The following MTHFSD variants were observed in gnomAD, a reference collection of about 807,000 sequenced individuals.
MTHFSD encodes the protein methenyltetrahydrofolate synthase domain-containing protein.
A neutral mutation model predicts 31.1 loss-of-function variants in MTHFSD; 37 were observed. That is an observed-to-expected ratio of 1.19 (90% CI 0.91 to 1.56). The LOEUF (loss-of-function observed/expected upper bound fraction) is 1.56, where lower values mean the gene tolerates loss of function less well. MTHFSD is among the 40% of genes most tolerant of loss of function. The pLI, the probability that MTHFSD is intolerant of heterozygous loss-of-function variation, is 0.00. For synonymous variants in MTHFSD, 221 were observed against 206.9 expected, an observed-to-expected ratio of 1.07 and a Z score of -0.59; for missense variants, 664 against 510.1, an observed-to-expected ratio of 1.30 and a Z score of -2.91.
Position 86,554,644 on chromosome 16 carries a change from C to G in MTHFSD, c.123+1G>C. ...TCTGGACTCCAGAAATATGTCAGTACCTTAAAGTTGGGTATCCTGTGATGA... is the reference window on the plus strand; with the variant it reads ...TCTGGACTCCAGAAATATGTCAGTAGCTTAAAGTTGGGTATCCTGTGATGA... On this transcript the variant is annotated splice_donor_variant, in intron 2 of 7. Transcript: ENST00000360900. LOFTEE classifies it high-confidence loss of function. 1 of 1,610,672 alleles carries G rather than the reference C, an allele frequency of 6.2e-7. No homozygotes were observed. Among genetic ancestry groups the G allele is most frequent in the South Asian group, 1.1e-5 (1 of 90,570 alleles).
chr16:86,539,029 C>T (rs1971109945), intron 7 of MTHFSD, among the ~76,000 whole-genome samples: 1 of 152,202 alleles, frequency 6.6e-6, no homozygotes, highest in Non-Finnish European at 1.5e-5. Flanking sequence ...GTACCTCTCT[C>T]TCTTCCTGCC....
At chr16:86,548,675 C>G (rs1972685472) in intron 3 of MTHFSD, 98 bp from the exon 4 acceptor site, 4 of 908,762 alleles carry the variant, frequency 4.4e-6, no homozygotes, top group African/African-American at 1.7e-5. Flanking sequence ...AGGCAAATTA[C>G]TATTATCCGC....
At chr16:86,548,951 C>T (rs1033840704) in intron 3 of MTHFSD, among the ~76,000 whole-genome samples, 7 of 152,152 alleles carry the variant, frequency 4.6e-5, no homozygotes, top group African/African-American at 9.7e-5. Flanking sequence ...GCACCAAGTG[C>T]GACACAGTTA....
chr16:86,551,159 T>C, intron 3 of MTHFSD, among the ~76,000 whole-genome samples: 2 of 152,364 alleles, frequency 1.3e-5, no homozygotes, highest in South Asian at 4.1e-4. Flanking sequence ...ATTTTGGTTT[T>C]ATAGTTACAT....
In MTHFSD at chr16:86,541,697, C is replaced by T; in HGVS notation, c.681G>A (p.Lys227=). The T allele has an allele frequency of 6.2e-7, 1 of 1,612,932 alleles. No homozygotes were observed. The highest frequency in any genetic ancestry group is 2.2e-5 in the East Asian group (1 of 44,862). Residue 227 remains lysine (K), a splice_region_variant and synonymous_variant, in exon 7 of 8, where the codon AAG becomes AAA. Transcript: ENST00000360900. Reference sequence around the variant, plus strand: ...AGAGCTGGCCACTGCCGTGACCCACCTTGAACCAGGTGATTCCCATTGGCT... The same window carrying T: ...AGAGCTGGCCACTGCCGTGACCCACTTTGAACCAGGTGATTCCCATTGGCT... ...RPKPMGITWF[K]ISLEMMEKIP...
intron 7 of MTHFSD, chr16:86,535,259 T>C (rs966048957): frequency 6.1e-6 from 6 of 985,348 alleles, no homozygotes; most frequent in Admixed American, 1.2e-4. Flanking sequence ...AAAATCGCTC[T>C]TTTCATGAGC....
In MTHFSD at chr16:86,542,070, T is replaced by TGGCTC. The variant is rs1215648017; in HGVS notation, c.555+26_555+30dup. 1 of 1,578,040 alleles carries TGGCTC rather than the reference T, an allele frequency of 6.3e-7. No homozygotes were observed. On this transcript the variant is annotated intron_variant, in intron 6 of 7. Coordinates refer to ENST00000360900, the MANE Select transcript of MTHFSD (RefSeq NM_001159377.2). This position sits in a 1 kb window ranked among gnomAD's most constrained non-coding sequence, Gnocchi z 4.6. Reference sequence around the variant, plus strand: ...CTGCTCCCTCAGAAGAGAATGGCAGTGGCTCTGCTCAGCCCATTCATAAGG... The same window carrying TGGCTC: ...CTGCTCCCTCAGAAGAGAATGGCAGTGGCTCGGCTCTGCTCAGCCCATTCATAAGG...
Position 86,532,288 on chromosome 16 carries a change from G to A in MTHFSD, c.875C>T (p.Ala292Val). The change falls in exon 8 of 8, where the codon GCA becomes GTA. Residue 292 changes from alanine to valine, a missense_variant. Physicochemically the swap from Ala to Val is moderately conservative, Grantham distance 64 (BLOSUM62 0). Coordinates refer to ENST00000360900, the MANE Select transcript of MTHFSD (RefSeq NM_001159377.2). ...CTCCCCTGGTGGGGAGCCAGGGGCTGCCTCCATGGAATTGGTTTCTGGTCC... is the reference window on the plus strand; with the variant it reads ...CTCCCCTGGTGGGGAGCCAGGGGCTACCTCCATGGAATTGGTTTCTGGTCC... ...TPGPETNSMEAAPGSPPGEGA... is the reference protein window; with the variant it reads ...TPGPETNSMEVAPGSPPGEGA... The A allele has an allele frequency of 6.4e-7, 1 of 1,572,974 alleles. No homozygotes were observed. The highest frequency in any genetic ancestry group is 8.6e-7 in the Non-Finnish European group (1 of 1,161,944).
chr16:86,538,725 C>A (rs912425971), intron 7 of MTHFSD, among the ~76,000 whole-genome samples: 2 of 152,218 alleles, frequency 1.3e-5, no homozygotes, highest in Non-Finnish European at 2.9e-5. Flanking sequence ...CCCAGAGGTT[C>A]AGGACCACGT....
chr16:86,547,777 T>C (rs1193360640), intron 4 of MTHFSD, among the ~76,000 whole-genome samples: 1 of 152,212 alleles, frequency 6.6e-6, no homozygotes, highest in African/African-American at 2.4e-5. Flanking sequence ...TCCAGTTTTA[T>C]ACATTAGGCT....
At chr16:86,547,470 G>C (rs549054157) in intron 4 of MTHFSD, 1 of 985,886 alleles carries the variant, frequency 1.0e-6, no homozygotes, top group African/African-American at 1.7e-5. Context: ...GGGGTCTCCC[G>C]ACAGTCACAG....
rs371690863 is a variant in MTHFSD at position 86,531,772 on chromosome 16, C to G, written c.*239G>C. The G allele has an allele frequency of 4.6e-5, 17 of 370,684 alleles. No individual in the cohort carries two copies. Among genetic ancestry groups the G allele is most frequent in the East Asian group, 3.2e-4 (8 of 25,062 alleles). 23.0% of individuals were successfully genotyped at this position (370,684 alleles called of 1,614,324 possible). On this transcript the variant is annotated 3_prime_UTR_variant, in exon 8 of 8. Coordinates refer to ENST00000360900, the MANE Select transcript of MTHFSD (RefSeq NM_001159377.2). The surrounding 1 kb of genome is among the most constrained non-coding windows in gnomAD (Gnocchi z 5.5). ...GAAACCGACTCAAGGCCCGAGCCTGCACGATTGGGAGGCTGCAGTCTCTGC... is the reference window on the plus strand; with the variant it reads ...GAAACCGACTCAAGGCCCGAGCCTGGACGATTGGGAGGCTGCAGTCTCTGC...
chr16:86,551,622 C>A (rs374562327), intron 3 of MTHFSD, among the ~76,000 whole-genome samples: 1 of 152,204 alleles, frequency 6.6e-6, no homozygotes, highest in Non-Finnish European at 1.5e-5. Flanking sequence ...AAGTGACCGT[C>A]TGTCATCCAG....
chr16:86,548,192 G>A, intron 4 of MTHFSD: 3 of 1,136,960 alleles, frequency 2.6e-6, no homozygotes, highest in Non-Finnish European at 3.5e-6. Flanking sequence ...CAGAGAACCA[G>A]ATCACCCGTC....
intron 7 of MTHFSD, among the ~76,000 whole-genome samples, chr16:86,534,294 C>G (rs1970377314): frequency 6.6e-6 from 1 of 152,182 alleles, no homozygotes; most frequent in South Asian, 2.1e-4. Flanking sequence ...GCTCTGAGGC[C>G]CAAGGAATCT....
At chr16:86,552,226 C>T (rs1490256932) in intron 2 of MTHFSD, 80 bp from the exon 3 acceptor site, 6 of 1,613,192 alleles carry the variant, frequency 3.7e-6, no homozygotes, top group Non-Finnish European at 5.1e-6. Flanking sequence ...TCAGGATTTA[C>T]TTTAATGGTC....
At chr16:86,545,169 A>G (rs1972104212) in intron 5 of MTHFSD, among the ~76,000 whole-genome samples, 1 of 152,158 alleles carries the variant, frequency 6.6e-6, no homozygotes, top group Non-Finnish European at 1.5e-5. Context: ...ACGTTTACCT[A>G]TGTAACAAAC....
intron 4 of MTHFSD, chr16:86,547,078 T>C: frequency 1.3e-6 from 1 of 797,350 alleles, no homozygotes; most frequent in South Asian, 5.3e-5. Context: ...ACCCTCTGCC[T>C]CGTCGGACCA....
At chr16:86,535,418 A>G in intron 7 of MTHFSD, 1 of 985,436 alleles carries the variant, frequency 1.0e-6, no homozygotes. Flanking sequence ...CCTGTGTGCC[A>G]GCCAGCAGGG....
Sources: allele counts gnomAD v4.1 joint callset (sites outside exome capture counted in the v4.1 genomes callset), GRCh38; gene constraint gnomAD v4.1.1; non-coding constraint Gnocchi (gnomAD v3.1); transcripts MANE v1.5; gene names NCBI Gene and HGNC (gene_info 2026-07-23, HGNC 2026-07-21).